Variants in PXN observed in about 807,000 individuals in gnomAD.
PXN encodes the protein testicular tissue protein Li 134.
Under a neutral mutation model 103.6 loss-of-function variants are expected in PXN, and 61 were observed. The observed-to-expected ratio is 0.59, with a 90% CI of 0.48 to 0.73. The LOEUF is 0.73. Among genes scored for constraint, PXN ranks in the 30% least tolerant of loss-of-function variants. The pLI is 0.00. For missense variants in PXN, 1,274 were observed against 1,460.3 expected (o/e 0.87, Z 2.08); for synonymous variants, 562 against 607.8 (o/e 0.92, Z 1.11).
rs369457359 is a variant in PXN at position 120,214,132 on chromosome 12, G to T, written c.2830+4C>A. 6 of 1,552,900 alleles carry T rather than the reference G, an allele frequency of 3.9e-6. No individual in the cohort carries two copies. Among genetic ancestry groups the T allele is most frequent in the African/African-American group, 1.4e-5 (1 of 73,072 alleles). On this transcript the variant is annotated splice_donor_region_variant and intron_variant, in intron 13 of 14. Transcript: ENST00000637617. The surrounding 1 kb of genome is among the most constrained non-coding windows in gnomAD (Gnocchi z 5.0). ...GTGGGTCAGTCCGCCGGTCCAGCCC[G>T]TACCTTCGGGACCAAAGAAGGCTCC...
At chr12:120,227,511 G>A (rs1427791151) in intron 1 of PXN, among the ~76,000 whole-genome samples, 1 of 152,126 alleles carries the variant, frequency 6.6e-6, no homozygotes, top group African/African-American at 2.4e-5. Context: ...AAAAACAAAC[G>A]AACAAATCAT....
chr12:120,215,188 C>T lies in PXN; in HGVS notation c.2489G>A (p.Ser830Asn). Residue 830 changes from serine to asparagine, a missense_variant, in exon 11 of 15, where the codon AGC becomes AAC. Coordinates refer to ENST00000637617, the MANE Select transcript of PXN (RefSeq NM_001385981.1). This position sits in a 1 kb window ranked among gnomAD's most constrained non-coding sequence, Gnocchi z 4.9. ...CAGCTTGTTCAGGTCAGACTGCAGG[C>T]TCCCCAGCATGCTGTCCAGCTGGCT... The part of the protein sequence containing the change: ...PGSQLDSMLG[S>N]LQSDLNKLGV... 1 of 1,591,402 alleles carries T rather than the reference C, an allele frequency of 6.3e-7. No homozygotes were observed. The highest frequency in any genetic ancestry group is 8.6e-7 in the Non-Finnish European group (1 of 1,167,876).
At chr12:120,255,328 T>C (rs933565331) in intron 1 of PXN, among the ~76,000 whole-genome samples, 3 of 151,880 alleles carry the variant, frequency 2.0e-5, no homozygotes, top group Non-Finnish European at 2.9e-5. Context: ...GAGAAAAAAA[T>C]ATGCAGCTAA....
Position 120,215,239 on chromosome 12 carries a change from G to T in PXN, c.2438C>A (p.Pro813His), listed in dbSNP as rs1594343792. Residue 813 changes from proline to histidine, a missense_variant, in exon 11 of 15, where the codon CCC becomes CAC. Pro to His is a moderately conservative substitution (Grantham distance 77, BLOSUM62 -2). Coordinates refer to ENST00000637617, the MANE Select transcript of PXN (RefSeq NM_001385981.1). The surrounding 1 kb of genome is among the most constrained non-coding windows in gnomAD (Gnocchi z 4.9). Reference sequence around the variant, plus strand: ...CCCGGGCTTCGGGGGCCCCCCAGGGGGTGAGCTGCTCCCTGTCTTCCCCTG... The same window carrying T: ...CCCGGGCTTCGGGGGCCCCCCAGGGTGTGAGCTGCTCCCTGTCTTCCCCTG... ...MAQGKTGSSS[P>H]PGGPPKPGSQ... 6.3e-7 allele frequency: 1 copy of T among 1,590,662 alleles called. No individual in the cohort carries two copies. Among genetic ancestry groups the T allele is most frequent in the East Asian group, 2.3e-5 (1 of 43,794 alleles).
Position 120,211,727 on chromosome 12 carries a change from T to A in PXN, c.*587A>T, listed in dbSNP as rs562083798. 2.9e-6 allele frequency: 1 copy of A among 344,390 alleles called. No homozygotes were observed. The highest frequency in any genetic ancestry group is 5.8e-6 in the Non-Finnish European group (1 of 172,162). The allele number at this position is 344,390 out of a possible 1,614,324, so 21.3% of individuals were successfully genotyped here. ...AGCAGGTATAAAAGGGGAGGGCGGG[T>A]CTAAAAGGCAGGGGCAGTCGCCAGG... On this transcript the variant is annotated 3_prime_UTR_variant, in exon 15 of 15. Coordinates refer to ENST00000637617, the MANE Select transcript of PXN (RefSeq NM_001385981.1).
At chr12:120,264,354 C>G (rs563151026) in intron 1 of PXN, 1 of 152,876 alleles carries the variant, frequency 6.5e-6, no homozygotes, top group East Asian at 1.9e-4. Context: ...CACAAGCCAC[C>G]CACAGTCCAG....
rs1882991290 is a variant in PXN at position 120,216,353 on chromosome 12, C to T, written c.2221G>A (p.Ala741Thr). The T allele has an allele frequency of 7.7e-7, 1 of 1,300,824 alleles. No homozygotes were observed. The highest frequency in any genetic ancestry group is 9.7e-7 in the Non-Finnish European group (1 of 1,030,002). 80.6% of individuals were successfully genotyped at this position (1,300,824 alleles called of 1,614,324 possible). A position where few individuals can be genotyped will look rare whatever the true frequency, so the allele number is the denominator to read the frequency against. ...GTGTGGGGTGCAGGAATGGGAAGGG[C>T]AGGGCCCTGCACCCCCTCATCATGG... ...EPHDEGVQGPALPIPAPHTMR... is the reference protein window; with the variant it reads ...EPHDEGVQGPTLPIPAPHTMR... Residue 741 changes from alanine to threonine, a missense_variant, in exon 9 of 15, where the codon GCC becomes ACC. Physicochemically the swap from Ala to Thr is moderately conservative, Grantham distance 58. Transcript: ENST00000637617. The surrounding 1 kb of genome is among the most constrained non-coding windows in gnomAD (Gnocchi z 5.1).
At chr12:120,258,601 T>C (rs1893384494) in intron 1 of PXN, among the ~76,000 whole-genome samples, 1 of 152,202 alleles carries the variant, frequency 6.6e-6, no homozygotes, top group Non-Finnish European at 1.5e-5. Context: ...CTTACTTTTC[T>C]CCAACTTTTC....
intron 1 of PXN, among the ~76,000 whole-genome samples, chr12:120,261,083 G>A (rs889706172): frequency 2.0e-5 from 3 of 152,140 alleles, no homozygotes; most frequent in Non-Finnish European, 4.4e-5. Flanking sequence ...GTAGTAATAC[G>A]ACTACTAATA....
At chr12:120,218,848 G>A (rs929298833) in intron 7 of PXN, among the ~76,000 whole-genome samples, 8 of 152,242 alleles carry the variant, frequency 5.3e-5, no homozygotes, top group African/African-American at 1.9e-4. Context: ...AACTGAGGCT[G>A]AGGGAGGGGG....
chr12:120,264,818 G>A (rs1634820), intron 1 of PXN, among the ~76,000 whole-genome samples: 4,528 of 152,162 alleles, frequency 0.03, 186 homozygotes, highest in East Asian at 0.1. Context: ...AGAGAATCAG[G>A]ACTCCCAAAT....
chr12:120,216,663 C>A lies in PXN; in HGVS notation c.1993-82G>T, dbSNP rs1226790474. ...GGGGTGGCGGGACCTCCCCAGGCTC[C>A]CCCTGGGCCTTCCCACTCTGCACCA... On this transcript the variant is annotated intron_variant, in intron 8 of 14. Coordinates refer to ENST00000637617, the MANE Select transcript of PXN (RefSeq NM_001385981.1). This position sits in a 1 kb window ranked among gnomAD's most constrained non-coding sequence, Gnocchi z 5.1. The A allele has an allele frequency of 1.3e-6, 2 of 1,572,108 alleles. No homozygotes were observed. The highest frequency in any genetic ancestry group is 1.9e-5 in the Admixed American group (1 of 51,776).
chr12:120,219,591 G>A lies in PXN; in HGVS notation c.1332C>T (p.Phe444=), dbSNP rs764309375. 2.0e-5 allele frequency: 31 copies of A among 1,564,604 alleles called. No individual in the cohort carries two copies. The highest frequency in any genetic ancestry group is 5.4e-5 in the African/African-American group (4 of 74,082). The change falls in exon 7 of 15, where the codon TTC becomes TTT. Residue 444 remains phenylalanine, a synonymous_variant. Coordinates refer to ENST00000637617, the MANE Select transcript of PXN (RefSeq NM_001385981.1). The surrounding 1 kb of genome is among the most constrained non-coding windows in gnomAD (Gnocchi z 6.5). ...TWEQPWASEV[F]GPERMPPSGA... ...CAGAGGGGGGCATTCTCTCAGGCCCGAATACCTCCGAAGCCCATGGCTGCT... is the reference window on the plus strand; with the variant it reads ...CAGAGGGGGGCATTCTCTCAGGCCCAAATACCTCCGAAGCCCATGGCTGCT...
chr12:120,216,392 C>T lies in PXN; in HGVS notation c.2182G>A (p.Ala728Thr). ...YTCGSSGVQS[A>T]GEEPHDEGVQ... ...CCCTCATCATGGGGCTCTTCCCCTGCACTCTGGACCCCAGAAGAACCACAG... is the reference window on the plus strand; with the variant it reads ...CCCTCATCATGGGGCTCTTCCCCTGTACTCTGGACCCCAGAAGAACCACAG... The change falls in exon 9 of 15, where the codon GCA (alanine) becomes ACA (threonine). Residue 728 changes from alanine (A) to threonine (T), a missense_variant. Ala to Thr is a moderately conservative substitution (Grantham distance 58). Around this residue, in one of 2 missense-constraint regions of PXN, gnomAD observed 1,178 missense variants for 1,309.0 expected, o/e 0.90. Transcript: ENST00000637617. This position sits in a 1 kb window ranked among gnomAD's most constrained non-coding sequence, Gnocchi z 5.1. 1.5e-6 allele frequency: 2 copies of T among 1,340,132 alleles called. No individual in the cohort carries two copies. Among genetic ancestry groups the T allele is most frequent in the Non-Finnish European group, 1.9e-6 (2 of 1,052,888 alleles). The allele number at this position is 1,340,132 out of a possible 1,614,324, so 83.0% of individuals were successfully genotyped here. A position where few individuals can be genotyped will look rare whatever the true frequency, so the allele number is the denominator to read the frequency against.
chr12:120,254,740 G>A (rs924896196), intron 1 of PXN, among the ~76,000 whole-genome samples: 4 of 151,870 alleles, frequency 2.6e-5, no homozygotes, highest in African/African-American at 9.7e-5. Context: ...TAGTAGAGAC[G>A]GGGTTTCACC....
intron 1 of PXN, among the ~76,000 whole-genome samples, chr12:120,234,867 T>C (rs1288045899): frequency 6.6e-6 from 1 of 152,108 alleles, no homozygotes; most frequent in Non-Finnish European, 1.5e-5. Context: ...GATTTTCATC[T>C]CCCTTAAGGC....
intron 1 of PXN, among the ~76,000 whole-genome samples, chr12:120,244,662 A>T (rs1358021552): frequency 1.3e-5 from 2 of 150,898 alleles, no homozygotes; most frequent in Non-Finnish European, 2.9e-5. Flanking sequence ...AAAAAAAAAA[A>T]AAATACAAAA....
chr12:120,225,725 G>A lies in PXN; in HGVS notation c.14-1348C>T, dbSNP rs1418946954. ...AAAGGGTTCAACTTCCTGAATGTTG[G>A]AGGCCCAAGCTGTGAGGCCTGCCAG... On this transcript the variant is annotated intron_variant, in intron 1 of 14. Coordinates refer to ENST00000637617, the MANE Select transcript of PXN (RefSeq NM_001385981.1). The surrounding 1 kb of genome is among the most constrained non-coding windows in gnomAD (Gnocchi z 4.4). 2.6e-5 allele frequency among the ~76,000 whole-genome samples: 4 copies of A among 152,210 alleles called. No homozygotes were observed. The highest frequency in any genetic ancestry group is 6.5e-5 in the Admixed American group (1 of 15,286).
In PXN at chr12:120,219,140, G is replaced by T; in HGVS notation, c.1716+67C>A. The T allele has an allele frequency of 1.4e-6, 2 of 1,405,386 alleles. No individual in the cohort carries two copies. Among genetic ancestry groups the T allele is most frequent in the Non-Finnish European group, 1.9e-6 (2 of 1,063,710 alleles). The allele number at this position is 1,405,386 out of a possible 1,614,324, so 87.1% of individuals were successfully genotyped here. A position where few individuals can be genotyped will look rare whatever the true frequency, so the allele number is the denominator to read the frequency against. On this transcript the variant is annotated intron_variant, in intron 7 of 14. Transcript: ENST00000637617. The surrounding 1 kb of genome is among the most constrained non-coding windows in gnomAD (Gnocchi z 6.5). Reference sequence around the variant, plus strand: ...CAGAGTGGGAGGCTGCATGCAGTTAGCGAGGAGCGGCCCACACTCAGACCC... The same window carrying T: ...CAGAGTGGGAGGCTGCATGCAGTTATCGAGGAGCGGCCCACACTCAGACCC...
Sources: gnomAD v4.1 joint callset for allele counts (sites outside exome capture counted in the v4.1 genomes callset) on GRCh38, gnomAD v4.1.1 for gene constraint, gnomAD v4.1.1 regional missense constraint, Gnocchi (gnomAD v3.1) non-coding constraint, MANE v1.5 for transcripts, NCBI Gene and HGNC (gene_info 2026-07-23, HGNC 2026-07-21) for gene names.